Variants in TRPM3 observed in about 807,000 individuals in gnomAD.
The protein encoded by TRPM3 is transient receptor potential cation channel subfamily M member 3.
Under a neutral mutation model 181.2 loss-of-function variants are expected in TRPM3, and 77 were observed. The ratio of observed to expected loss-of-function variants is 0.42; its 90% CI spans 0.35 to 0.51. The LOEUF (loss-of-function observed/expected upper bound fraction) is 0.51, where lower values mean the gene tolerates loss of function less well. Among genes scored for constraint, TRPM3 ranks in the 20% least tolerant of loss-of-function variants. The pLI is 0.01. For synonymous variants in TRPM3, 745 were observed against 796.4 expected (o/e 0.94, Z 1.09); for missense variants, 1,759 against 2,196.7 (o/e 0.80, Z 3.98).
At chr9:70,962,976 T>G (rs72731712) in intron 1 of TRPM3, among the ~76,000 whole-genome samples, 6,722 of 152,216 alleles carry the variant, frequency 0.044, 168 homozygotes, top group African/African-American at 0.052. Context: ...TTTGTAATCT[T>G]TTGAAACACA....
In TRPM3 at chr9:70,564,303, G is replaced by C. The variant is rs538802332; in HGVS notation, c.3224-10993C>G. 2.4e-4 allele frequency among the ~76,000 whole-genome samples: 37 copies of C among 152,188 alleles called. 1 individual carries two copies. Among genetic ancestry groups the C allele is most frequent in the African/African-American group, 8.9e-4 (37 of 41,514 alleles). On this transcript the variant is annotated intron_variant, in intron 22 of 25. Transcript: ENST00000677713. ...TACTCTTTCAGATTTTTGTGTTGCTGTCCACCTACCTATAATTCATCACAA... is the reference window on the plus strand; with the variant it reads ...TACTCTTTCAGATTTTTGTGTTGCTCTCCACCTACCTATAATTCATCACAA...
intron 1 of TRPM3, among the ~76,000 whole-genome samples, chr9:70,942,957 C>G (rs1368035003): frequency 6.6e-6 from 1 of 151,992 alleles, no homozygotes; most frequent in East Asian, 1.9e-4. Flanking sequence ...GCAACAAGCA[C>G]CTGGCCATCA....
At chr9:70,905,375 G>T (rs2096448649) in intron 1 of TRPM3, among the ~76,000 whole-genome samples, 1 of 152,162 alleles carries the variant, frequency 6.6e-6, no homozygotes, top group East Asian at 1.9e-4. Flanking sequence ...GTAATGAAAA[G>T]TCTCTCTCTT....
chr9:71,123,723 A>G (rs2073868131), upstream of TRPM3, among the ~76,000 whole-genome samples: 1 of 152,226 alleles, frequency 6.6e-6, no homozygotes, highest in Non-Finnish European at 1.5e-5. Flanking sequence ...GGTTTTCCTC[A>G]TGCAGTGTGG....
intron 1 of TRPM3, among the ~76,000 whole-genome samples, chr9:71,334,795 TC>T (rs2090443193): frequency 6.6e-6 from 1 of 152,160 alleles, no homozygotes; most frequent in African/African-American, 2.4e-5. Context: ...AAATATTACT[TC>T]CTTTATATTT....
intron 1 of TRPM3, among the ~76,000 whole-genome samples, chr9:71,175,502 C>T (rs1167510592): frequency 6.6e-6 from 1 of 152,100 alleles, no homozygotes; most frequent in African/African-American, 2.4e-5. Context: ...AGCCAAAAGG[C>T]ACAGAGTGAT....
chr9:71,067,922 C>A (rs2062151775), intron 1 of TRPM3, among the ~76,000 whole-genome samples: 1 of 152,164 alleles, frequency 6.6e-6, no homozygotes, highest in Non-Finnish European at 1.5e-5. Context: ...GGGTGCTAGG[C>A]AATGTTGGTG....
intron 1 of TRPM3, among the ~76,000 whole-genome samples, chr9:71,088,676 T>A (rs978719585): frequency 2.0e-4 from 30 of 152,156 alleles, no homozygotes; most frequent in South Asian, 4.1e-4. Context: ...CGTAATGAGG[T>A]TTCCTCATTT....
chr9:71,353,504 A>G (rs902912791), intron 1 of TRPM3, among the ~76,000 whole-genome samples: 1 of 152,174 alleles, frequency 6.6e-6, no homozygotes, highest in East Asian at 1.9e-4. Context: ...GGTTAAGGGC[A>G]ATCAACAGTC....
At chr9:71,102,675 T>C (rs1328276021) in intron 1 of TRPM3, among the ~76,000 whole-genome samples, 1 of 152,226 alleles carries the variant, frequency 6.6e-6, no homozygotes, top group Non-Finnish European at 1.5e-5. Context: ...CCTTTTATAG[T>C]TAACTTTTTC....
At position 71,111,923 on chromosome 9, in the gene TRPM3, ACT is replaced by A. The variant is rs1242588371; in HGVS notation, c.177+9253_177+9254del. Among the ~76,000 whole-genome samples, 44 of 152,296 alleles carry A rather than the reference ACT, an allele frequency of 2.9e-4. 1 individual carries two copies. The highest frequency in any genetic ancestry group is 1.0e-3 in the African/African-American group (43 of 41,576). ...TCTCTTCCATAAGCAAGTTATTTTG[ACT>A]CTGATTTATTTTTTCCCTGTAGGAA... On this transcript the variant is annotated intron_variant, in intron 1 of 25. Coordinates refer to ENST00000677713, the MANE Select transcript of TRPM3 (RefSeq NM_001366145.2).
chr9:71,368,318 C>G (rs761479897), intron 1 of TRPM3, among the ~76,000 whole-genome samples: 1 of 152,128 alleles, frequency 6.6e-6, no homozygotes, highest in South Asian at 2.1e-4. Flanking sequence ...CTGAATCTTT[C>G]ACTAGCCAAC....
At chr9:70,577,868 A>G (rs2054459003) in intron 22 of TRPM3, among the ~76,000 whole-genome samples, 1 of 152,198 alleles carries the variant, frequency 6.6e-6, no homozygotes, top group African/African-American at 2.4e-5. Flanking sequence ...TCGGTGCTTG[A>G]ACATTATGTT....
At chr9:70,806,750 A>G (rs527377678) in intron 6 of TRPM3, among the ~76,000 whole-genome samples, 12 of 151,820 alleles carry the variant, frequency 7.9e-5, no homozygotes, top group African/African-American at 2.9e-4. Flanking sequence ...TTCTGTTAAC[A>G]GCTATGACAA....
chr9:71,313,543 C>T (rs2088219660), intron 1 of TRPM3, among the ~76,000 whole-genome samples: 2 of 152,192 alleles, frequency 1.3e-5, no homozygotes, highest in South Asian at 2.1e-4. Flanking sequence ...GAAAGATGTA[C>T]CTTATATGAC....
At chr9:70,737,554 T>C (rs1172182224) in intron 8 of TRPM3, among the ~76,000 whole-genome samples, 1 of 102,760 alleles carries the variant, frequency 9.7e-6, no homozygotes, top group African/African-American at 3.9e-5. Context: ...ATGTAAATGG[T>C]CTAAATGCTC....
chr9:70,963,698 C>A (rs578130000), intron 1 of TRPM3, among the ~76,000 whole-genome samples: 1 of 152,192 alleles, frequency 6.6e-6, no homozygotes, highest in African/African-American at 2.4e-5. Context: ...TGGAAACCTC[C>A]AGAAGAGTAT....
chr9:71,418,124 G>A (rs981660794), intron 1 of TRPM3, among the ~76,000 whole-genome samples: 16 of 151,838 alleles, frequency 1.1e-4, no homozygotes, highest in Non-Finnish European at 1.0e-4. Flanking sequence ...ATAATAGTCA[G>A]CAGCATGATG....
At chr9:71,321,215 A>T (rs1369793308) in intron 1 of TRPM3, among the ~76,000 whole-genome samples, 2 of 152,166 alleles carry the variant, frequency 1.3e-5, no homozygotes, top group African/African-American at 4.8e-5. Flanking sequence ...TCATTTTTAA[A>T]ATTCTTCCTA....
Sources: allele counts gnomAD v4.1 joint callset (sites outside exome capture counted in the v4.1 genomes callset), GRCh38; gene constraint gnomAD v4.1.1; transcripts MANE v1.5; gene names NCBI Gene and HGNC (gene_info 2026-07-23, HGNC 2026-07-21).